The following ZNF536 variants were observed in gnomAD, a reference collection of about 807,000 sequenced individuals.
ZNF536 encodes the protein zinc finger protein 536.
Under a neutral mutation model 84.5 loss-of-function variants are expected in ZNF536, and 13 were observed. That is an observed-to-expected ratio of 0.15 (90% confidence interval 0.10 to 0.24). The LOEUF (loss-of-function observed/expected upper bound fraction) is 0.24. Among genes scored for constraint, ZNF536 ranks in the 10% least tolerant of loss-of-function variants. The pLI is 1.00. For synonymous variants in ZNF536, 811 were observed against 742.5 expected (o/e 1.09, Z -1.50); for missense variants, 1,536 against 1,747.5 (o/e 0.88, Z 2.16).
At chr19:30,344,918 CAT>C (rs745637605) in intron 2 of ZNF536, among the ~76,000 whole-genome samples, 9 of 152,318 alleles carry the variant, frequency 5.9e-5, no homozygotes, top group Admixed American at 1.3e-4. Context: ...GTGAATGGCA[CAT>C]GAGTCAGCCT....
chr19:30,537,012 A>T (rs1475198921), intron 3 of ZNF536, among the ~76,000 whole-genome samples: 2 of 151,798 alleles, frequency 1.3e-5, no homozygotes, highest in African/African-American at 4.8e-5. Flanking sequence ...ACTTCTCTCC[A>T]TAGTGCTCAC....
At chr19:30,426,980 CATGT>C (rs1313724595) in intron 1 of ZNF536, among the ~76,000 whole-genome samples, 1 of 150,470 alleles carries the variant, frequency 6.6e-6, no homozygotes, top group African/African-American at 2.4e-5. Context: ...TCCATCCATC[CATGT>C]ATCCATCCAT....
intron 3 of ZNF536, among the ~76,000 whole-genome samples, chr19:30,539,311 A>G (rs1178596476): frequency 6.6e-6 from 1 of 152,186 alleles, no homozygotes; most frequent in Non-Finnish European, 1.5e-5. Context: ...ACAGCCAGGC[A>G]AAGCGAGTGC....
At chr19:30,469,535 C>T (rs1390039657) in intron 2 of ZNF536, among the ~76,000 whole-genome samples, 10 of 152,162 alleles carry the variant, frequency 6.6e-5, no homozygotes, top group Admixed American at 5.2e-4. Flanking sequence ...GCATTACAAG[C>T]CAATACACCT....
chr19:30,611,604 C>T (rs1041488792), intron 1 of ZNF536, among the ~76,000 whole-genome samples: 2 of 152,074 alleles, frequency 1.3e-5, no homozygotes, highest in African/African-American at 4.8e-5. Flanking sequence ...GAAGTCATTC[C>T]TCTCTCTAAA....
At chr19:30,421,109 A>G (rs770252680) in intron 1 of ZNF536, among the ~76,000 whole-genome samples, 6 of 152,150 alleles carry the variant, frequency 3.9e-5, no homozygotes, top group Non-Finnish European at 8.8e-5. Context: ...CTCCTAACCA[A>G]GACAGGGTCC....
chr19:30,596,782 G>A (rs1285675148), intron 1 of ZNF536, among the ~76,000 whole-genome samples: 3 of 152,000 alleles, frequency 2.0e-5, no homozygotes, highest in African/African-American at 7.2e-5. Context: ...GTGGGAGGGG[G>A]GTTCTGATGA....
chr19:30,272,397 A>C (rs561738653), intron 1 of ZNF536, among the ~76,000 whole-genome samples: 167 of 152,270 alleles, frequency 1.1e-3, no homozygotes, highest in African/African-American at 3.8e-3. Flanking sequence ...TACTTTTGTT[A>C]TGATTGTTGA....
intron 1 of ZNF536, among the ~76,000 whole-genome samples, chr19:30,692,786 G>T (rs1441905668): frequency 6.6e-6 from 1 of 152,230 alleles, no homozygotes; most frequent in Non-Finnish European, 1.5e-5. Context: ...GGAAGAGGCA[G>T]AGCTGCCTCC....
chr19:30,419,074 A>AT (rs1189177650), intron 1 of ZNF536, among the ~76,000 whole-genome samples: 2 of 152,068 alleles, frequency 1.3e-5, no homozygotes, highest in African/African-American at 4.8e-5. Flanking sequence ...ACATTTTGTT[A>AT]TTTTTTCTTT....
chr19:30,232,576 C>T (rs957400764), intron 1 of ZNF536, among the ~76,000 whole-genome samples: 4 of 152,170 alleles, frequency 2.6e-5, no homozygotes, highest in Non-Finnish European at 5.9e-5. Flanking sequence ...GGATAATGAG[C>T]TTTCACTTTT....
intron 2 of ZNF536, among the ~76,000 whole-genome samples, chr19:30,346,924 G>GTCTTCCACAATGGTGGAAGTAGTTTAC (rs2047762760): frequency 6.6e-6 from 1 of 152,074 alleles, no homozygotes; most frequent in Non-Finnish European, 1.5e-5. Context: ...AATCAACACA[G>GTCTTCCACAATGGTGGAAGTAGTTTAC]TCTTCCACAA....
At chr19:30,415,207 C>CCCCTCCTCCTCTTCT (rs2050667571) in intron 1 of ZNF536, among the ~76,000 whole-genome samples, 1 of 80,166 alleles carries the variant, frequency 1.2e-5, no homozygotes, top group African/African-American at 5.1e-5. Context: ...CTTCTCCCTC[C>CCCCTCCTCCTCTTCT]CCCTCCCCCT....
chr19:30,561,967 T>G (rs2046185183), downstream of ZNF536, among the ~76,000 whole-genome samples: 1 of 152,166 alleles, frequency 6.6e-6, no homozygotes, highest in African/African-American at 2.4e-5. Flanking sequence ...TGAGAACAGA[T>G]GTGCAGGTCA....
chr19:30,517,939 G>A (rs980237333), intron 2 of ZNF536, among the ~76,000 whole-genome samples: 4 of 152,134 alleles, frequency 2.6e-5, no homozygotes, highest in African/African-American at 9.7e-5. Context: ...AAAGGACTTG[G>A]GCGAGGTCAT....
chr19:30,663,712 C>T (rs1309597670), intron 1 of ZNF536, among the ~76,000 whole-genome samples: 1 of 152,244 alleles, frequency 6.6e-6, no homozygotes, highest in Non-Finnish European at 1.5e-5. Flanking sequence ...GGTTTTACAG[C>T]AGACTGTGAC....
chr19:30,421,487 C>T lies in ZNF536; in HGVS notation c.-2-22074C>T, dbSNP rs558572689. Among the ~76,000 whole-genome samples the T allele has an allele frequency of 1.8e-4, 28 of 152,236 alleles. 1 individual carries two copies. The highest frequency in any genetic ancestry group is 1.7e-3 in the South Asian group (8 of 4,810). On this transcript the variant is annotated intron_variant, in intron 1 of 4. Transcript: ENST00000355537. ...ACTGTAGCCTCCCAGTTCCTGGCCT[C>T]CTGGGTAGCTGGGATTACAGGCATG...
intron 1 of ZNF536, among the ~76,000 whole-genome samples, chr19:30,657,830 C>T (rs934912391): frequency 1.2e-4 from 18 of 152,180 alleles, no homozygotes; most frequent in Admixed American, 7.2e-4. Flanking sequence ...AAAAAGAAAT[C>T]AATCCAGAAT....
chr19:30,320,729 T>C (rs2046827289), intron 2 of ZNF536, among the ~76,000 whole-genome samples: 1 of 152,144 alleles, frequency 6.6e-6, no homozygotes, highest in African/African-American at 2.4e-5. Flanking sequence ...CCGACCTGGA[T>C]TATCCAAACG....
Sources: allele counts gnomAD v4.1 joint callset (sites outside exome capture counted in the v4.1 genomes callset), GRCh38; gene constraint gnomAD v4.1.1; transcripts MANE v1.5; gene names NCBI Gene and HGNC (gene_info 2026-07-23, HGNC 2026-07-21).